The following MEIG1 variants were observed in gnomAD, a reference collection of about 807,000 sequenced individuals.
MEIG1 encodes meiosis/spermiogenesis associated 1, also known as meiosis expressed gene 1 protein homolog.
In MEIG1, 12 loss-of-function variants were observed where a neutral mutation model predicts 11.3. That is an observed-to-expected ratio of 1.07 (90% CI 0.68 to 1.73). The LOEUF is 1.73. Among genes scored for constraint, MEIG1 ranks in the 40% most tolerant of loss-of-function variants. The probability of loss-of-function intolerance (pLI) is 0.00; values close to 1 mark genes in which losing one functional copy is unlikely to be tolerated. For missense variants in MEIG1, 119 were observed against 104.9 expected, an observed-to-expected ratio of 1.13 and a Z score of -0.59; for synonymous variants, 41 against 33.2, an observed-to-expected ratio of 1.24 and a Z score of -0.81.
chr10:14,985,678 A>T (rs531308665), intron 1 of MEIG1, among the ~76,000 whole-genome samples: 3 of 152,122 alleles, frequency 2.0e-5, no homozygotes, highest in East Asian at 1.9e-4. Flanking sequence ...CAAAGAGTGT[A>T]CAAAATGTCA....
intron 2 of MEIG1, among the ~76,000 whole-genome samples, chr10:14,968,497 A>C (rs1469239531): frequency 6.6e-6 from 1 of 152,084 alleles, no homozygotes; most frequent in East Asian, 1.9e-4. Context: ...CAAATAAATA[A>C]ATTAATTAAT....
upstream of MEIG1, among the ~76,000 whole-genome samples, chr10:14,956,497 G>A (rs1034707524): frequency 1.3e-5 from 2 of 152,048 alleles, no homozygotes; most frequent in African/African-American, 4.8e-5. Flanking sequence ...CAGGAGAATT[G>A]CTTGTACCCA....
At chr10:14,982,974 G>A (rs1443487908) in intron 1 of MEIG1, among the ~76,000 whole-genome samples, 1 of 151,890 alleles carries the variant, frequency 6.6e-6, no homozygotes, top group African/African-American at 2.4e-5. Context: ...CTTTTTATGA[G>A]CAATTATTTC....
rs534498705 is a variant in MEIG1, at chr10:14,962,045, C to T, written c.-30+2488C>T. Among the ~76,000 whole-genome samples the T allele has an allele frequency of 5.3e-5, 8 of 152,236 alleles. No homozygotes were observed. In the East Asian group the frequency reaches 1.5e-3, roughly 29 times the overall value. ...GTCTTGAACTCGGACTCAAAGGATC[C>T]TCCCTCCTCAGTCTCAGAAAGAGCT... On this transcript the variant is annotated intron_variant, in intron 1 of 2. Transcript: ENST00000407572.
chr10:14,982,493 T>C lies in MEIG1; in HGVS notation n.67-4303T>C, dbSNP rs533628642. On this transcript the variant is annotated intron_variant and non_coding_transcript_variant, in intron 1 of 2. Coordinates refer to the MEIG1 transcript ENST00000467536. ...GTGGTTGTGGGTCTGGATAACAGTT[T>C]GGAGCAAATCAATTAGGGCTTGTGG... Among the ~76,000 whole-genome samples, 29 of 152,262 alleles carry C rather than the reference T, an allele frequency of 1.9e-4. No individual in the cohort carries two copies. In the South Asian group the frequency reaches 5.8e-3, roughly 30 times the overall value.
At chr10:14,977,398 C>CCTT (rs34409040), downstream of MEIG1, among the ~76,000 whole-genome samples, 28,415 of 151,690 alleles carry the variant, frequency 0.19, 3,984 homozygotes, top group African/African-American at 0.39. Context: ...TGCGTGTACA[C>CCTT]GTGATATTAT....
downstream of MEIG1, among the ~76,000 whole-genome samples, chr10:14,976,893 G>A (rs953049855): frequency 2.0e-5 from 3 of 151,916 alleles, no homozygotes; most frequent in Non-Finnish European, 4.4e-5. Flanking sequence ...TTCACAATGC[G>A]TGTACACACT....
chr10:14,986,713 G>C (rs188757178), intron 1 of MEIG1: 2 of 294,242 alleles, frequency 6.8e-6, no homozygotes, highest in Non-Finnish European at 1.3e-5. Flanking sequence ...GAGTTCAAGC[G>C]CTTCTTGGGC....
chr10:14,982,549 C>A (rs750636106), intron 1 of MEIG1, among the ~76,000 whole-genome samples: 1 of 151,926 alleles, frequency 6.6e-6, no homozygotes. Context: ...TATTGTTTTC[C>A]CAGTTGAGAA....
At chr10:14,965,072 C>A (rs1843064282) in intron 1 of MEIG1, among the ~76,000 whole-genome samples, 1 of 147,072 alleles carries the variant, frequency 6.8e-6, no homozygotes, top group Non-Finnish European at 1.5e-5. Context: ...GCTCGAGCCA[C>A]CATGTCCAGC....
At chr10:14,977,178 G>C (rs183600740), downstream of MEIG1, among the ~76,000 whole-genome samples, 4 of 151,892 alleles carry the variant, frequency 2.6e-5, no homozygotes, top group African/African-American at 9.7e-5. Context: ...AATTACCCAG[G>C]GGTCTATACT....
chr10:14,972,707 G>A lies in MEIG1; in HGVS notation c.*66G>A. 7.3e-7 allele frequency: 1 copy of A among 1,370,934 alleles called. No individual in the cohort carries two copies. The highest frequency in any genetic ancestry group is 9.8e-7 in the Non-Finnish European group (1 of 1,022,132). The allele number at this position is 1,370,934 out of a possible 1,614,324, so 84.9% of individuals were successfully genotyped here. On this transcript the variant is annotated 3_prime_UTR_variant, in exon 3 of 3. Transcript: ENST00000407572. ...TTCATCATTTCCTTCTACATCATGT[G>A]TTTGTCATTTGATGAAATAATTCAA...
At chr10:14,963,836 C>T (rs1429107371) in intron 1 of MEIG1, among the ~76,000 whole-genome samples, 3 of 152,164 alleles carry the variant, frequency 2.0e-5, no homozygotes, top group Non-Finnish European at 2.9e-5. Flanking sequence ...TGGTGGCTCA[C>T]GCCTGTAATC....
At chr10:14,982,141 A>C (rs1843271984) in intron 1 of MEIG1, among the ~76,000 whole-genome samples, 1 of 152,174 alleles carries the variant, frequency 6.6e-6, no homozygotes, top group Admixed American at 6.6e-5. Flanking sequence ...GATAGGCCTC[A>C]CACAGTCTCT....
At chr10:14,957,364 G>T (rs762454405), upstream of MEIG1, among the ~76,000 whole-genome samples, 1 of 152,176 alleles carries the variant, frequency 6.6e-6, no homozygotes, top group Non-Finnish European at 1.5e-5. Context: ...GCTAGCCACC[G>T]TGCCATGCTG....
intron 1 of MEIG1, among the ~76,000 whole-genome samples, chr10:14,964,840 T>C (rs113393532): frequency 0.057 from 8,545 of 151,236 alleles, 310 homozygotes; most frequent in African/African-American, 0.082. Context: ...CAGGCTAAAG[T>C]GCAATGGTGT....
At chr10:14,973,067 C>T (rs11259412), downstream of MEIG1, among the ~76,000 whole-genome samples, 93,959 of 151,738 alleles carry the variant, frequency 0.62, 29,331 homozygotes, top group Admixed American at 0.67. Context: ...GATTTCATCA[C>T]GTTGGCCAGG....
rs1843165615 is a variant in MEIG1 at position 14,972,609 on chromosome 10, G to T, written c.235G>T (p.Glu79Ter). ...YNKQRECDDKEVHKVKIYAY is the reference protein window; with the variant it reads ...YNKQRECDDK Reference sequence around the variant, plus strand: ...CAAACAGAGGGAATGTGATGACAAAGAAGTCCACAAAGTGAAAATTTATGC... The same window carrying T: ...CAAACAGAGGGAATGTGATGACAAATAAGTCCACAAAGTGAAAATTTATGC... The change falls in exon 3 of 3, where the codon GAA becomes TAA. Residue 79 changes from glutamate to a stop codon, truncating the protein, a stop_gained. Coordinates refer to ENST00000407572, the MANE Select transcript of MEIG1 (RefSeq NM_001080836.3). LOFTEE classifies it high-confidence loss of function. 1.2e-6 allele frequency: 2 copies of T among 1,612,256 alleles called. No individual in the cohort carries two copies. The highest frequency in any genetic ancestry group is 1.3e-5 in the African/African-American group (1 of 74,872).
At chr10:14,986,644 C>T (rs1843321313) in intron 1 of MEIG1, among the ~76,000 whole-genome samples, 1 of 152,210 alleles carries the variant, frequency 6.6e-6, no homozygotes, top group Non-Finnish European at 1.5e-5. Flanking sequence ...GAGTCTCTTT[C>T]TGTTGCCCAG....
Sources: allele counts gnomAD v4.1 joint callset (sites outside exome capture counted in the v4.1 genomes callset), GRCh38; gene constraint gnomAD v4.1.1; transcripts MANE v1.5; gene names NCBI Gene and HGNC (gene_info 2026-07-23, HGNC 2026-07-21).